PALS2: variants seen among roughly 807,000 people sequenced by gnomAD.
PALS2 encodes protein associated with LIN7 2, MAGUK p55 family member.
PALS2 carries 27 observed loss-of-function variants against 61.6 expected under a neutral mutation model. That is an observed-to-expected ratio of 0.44 (90% CI 0.32 to 0.60). PALS2 has a LOEUF of 0.60. PALS2 is among the 20% of genes least tolerant of loss of function. The pLI, the probability that PALS2 is intolerant of heterozygous loss-of-function variation, is 0.05. For synonymous variants in PALS2, 236 were observed against 218.6 expected, an observed-to-expected ratio of 1.08 and a Z score of -0.70; for missense variants, 554 against 639.4, an observed-to-expected ratio of 0.87 and a Z score of 1.44.
At chr7:24,608,078 T>C (rs1363636659) in intron 1 of PALS2, among the ~76,000 whole-genome samples, 3 of 152,182 alleles carry the variant, frequency 2.0e-5, no homozygotes, top group Non-Finnish European at 4.4e-5. Flanking sequence ...TTTATATACA[T>C]ATGTGTGAAC....
intron 8 of PALS2, chr7:24,667,092 G>GAT (rs1787058268): frequency 6.6e-6 from 1 of 152,164 alleles, no homozygotes; most frequent in Non-Finnish European, 1.5e-5. Flanking sequence ...TGCAAAGAAA[G>GAT]AGTTACTATT....
At position 24,595,392 on chromosome 7, in the gene PALS2, T is replaced by TTA. The variant is rs968540850; in HGVS notation, c.-3+21810_-3+21811dup. ...TATAGCTTTGAGAGACATCAACTAT[T>TTA]TATATATATATAAAAAATATATATA... On this transcript the variant is annotated intron_variant, in intron 1 of 11. Coordinates refer to ENST00000222644, the MANE Select transcript of PALS2 (RefSeq NM_001303037.2). 6.3e-5 allele frequency among the ~76,000 whole-genome samples: 9 copies of TTA among 142,392 alleles called. No homozygotes were observed. The South Asian group carries it at 1.5e-3, about 24-fold the overall frequency. 93.4% of individuals were successfully genotyped at this position (142,392 alleles called of 152,430 possible).
intron 7 of PALS2, 68 bp from the exon 8 acceptor site, chr7:24,665,953 A>G (rs1786995349): frequency 6.2e-6 from 9 of 1,452,628 alleles, no homozygotes; most frequent in Non-Finnish European, 8.6e-6. Context: ...CCCCTGTAAA[A>G]TACTATAGGG....
intron 1 of PALS2, among the ~76,000 whole-genome samples, chr7:24,588,614 C>T (rs779639595): frequency 1.3e-5 from 2 of 152,070 alleles, no homozygotes; most frequent in Non-Finnish European, 2.9e-5. Context: ...CAACAAGACC[C>T]TTAAGGGAAA....
intron 11 of PALS2, among the ~76,000 whole-genome samples, chr7:24,682,578 GTCTT>G (rs1182612856): frequency 6.6e-6 from 1 of 152,060 alleles, no homozygotes; most frequent in Non-Finnish European, 1.5e-5. Flanking sequence ...TTTGTTTTCT[GTCTT>G]TCTATGATCT....
chr7:24,625,868 A>T (rs921635855), intron 2 of PALS2, among the ~76,000 whole-genome samples: 7 of 152,030 alleles, frequency 4.6e-5, no homozygotes, highest in African/African-American at 1.4e-4. Flanking sequence ...AATATAGGTT[A>T]AAAAAAATCC....
chr7:24,665,635 G>A lies in PALS2; in HGVS notation c.831G>A (p.Gln277=). ...EGGSAGLIPS[Q]FLEEKRKAFV... is the part of the protein sequence containing the mutation. ...GAAGCGCTGGTCTCATTCCAAGCCAGTTCCTGGAAGAGAAGAGAAAGGCAT... is the reference window on the plus strand; with the variant it reads ...GAAGCGCTGGTCTCATTCCAAGCCAATTCCTGGAAGAGAAGAGAAAGGCAT... The change falls in exon 7 of 12, where the codon CAG becomes CAA. Residue 277 remains glutamine, a synonymous_variant. Coordinates refer to ENST00000222644, the MANE Select transcript of PALS2 (RefSeq NM_001303037.2). 6.2e-7 allele frequency: 1 copy of A among 1,613,802 alleles called. No homozygotes were observed. The highest frequency in any genetic ancestry group is 1.3e-5 in the African/African-American group (1 of 75,030).
intron 6 of PALS2, among the ~76,000 whole-genome samples, chr7:24,664,480 G>T (rs1215750491): frequency 3.9e-5 from 6 of 152,088 alleles, no homozygotes; most frequent in African/African-American, 1.4e-4. Flanking sequence ...GCAAATGAGA[G>T]TTTTACTAAA....
At chr7:24,591,367 TA>T (rs1212878939) in intron 1 of PALS2, among the ~76,000 whole-genome samples, 3 of 152,098 alleles carry the variant, frequency 2.0e-5, no homozygotes, top group Non-Finnish European at 2.9e-5. Flanking sequence ...CTCACTGAGA[TA>T]GGGGGCAGTG....
At chr7:24,686,703 A>G in intron 11 of PALS2, among the ~76,000 whole-genome samples, 1 of 152,128 alleles carries the variant, frequency 6.6e-6, no homozygotes, top group Non-Finnish European at 1.5e-5. Flanking sequence ...TCATTGTCAT[A>G]CCCACTGATT....
rs372885208 is a variant in PALS2, at chr7:24,574,047, C to T, written c.-3+454C>T. On this transcript the variant is annotated intron_variant, in intron 1 of 11. Transcript: ENST00000222644. ...GGTGGAGCCTGAATGGAGAGCCGGC[C>T]TGGGGGCGGCGTTGCTGTGACTGAC... is the stretch of plus-strand genomic sequence containing the variant. The T allele has an allele frequency of 6.6e-5, 10 of 152,416 alleles. No homozygotes were observed. The East Asian group carries it at 1.2e-3, about 18-fold the overall frequency. The allele number at this position is 152,416 out of a possible 1,614,324, so 9.4% of individuals were successfully genotyped here.
chr7:24,659,068 T>A (rs985184522), intron 5 of PALS2, among the ~76,000 whole-genome samples: 2 of 152,192 alleles, frequency 1.3e-5, no homozygotes, highest in African/African-American at 4.8e-5. Context: ...ATGTACTCAA[T>A]GTTTAGCACC....
At chr7:24,617,864 A>G (rs758148357) in intron 1 of PALS2, among the ~76,000 whole-genome samples, 3 of 152,074 alleles carry the variant, frequency 2.0e-5, no homozygotes, top group Non-Finnish European at 2.9e-5. Flanking sequence ...TGGAGACACA[A>G]TGCCTGGGTT....
At chr7:24,584,816 A>G (rs1287175426) in intron 1 of PALS2, among the ~76,000 whole-genome samples, 4 of 151,618 alleles carry the variant, frequency 2.6e-5, no homozygotes, top group Non-Finnish European at 5.9e-5. Flanking sequence ...TAAGTCTTTA[A>G]TCCATCTTGA....
At position 24,691,405 on chromosome 7, in the gene PALS2, G is replaced by GTGTGTATATA. The variant is rs1274329385; in HGVS notation, c.*3792_*3793insGTGTATATAT. 584 of 110,416 alleles carry GTGTGTATATA rather than the reference G, an allele frequency of 5.3e-3. 3 individuals are homozygous for GTGTGTATATA. Among genetic ancestry groups the GTGTGTATATA allele is most frequent in the Non-Finnish European group, 8.5e-3 (444 of 52,176 alleles). 6.8% of individuals were successfully genotyped at this position (110,416 alleles called of 1,614,324 possible). On this transcript the variant is annotated 3_prime_UTR_variant, in exon 12 of 12. Transcript: ENST00000222644. ...ATATTATGTATGTGTGTGTGTGTGT[G>GTGTGTATATA]TATATATATATATATATATATATAT...
At chr7:24,574,687 A>G (rs912473278) in intron 1 of PALS2, among the ~76,000 whole-genome samples, 4 of 152,274 alleles carry the variant, frequency 2.6e-5, no homozygotes, top group Admixed American at 6.5e-5. Context: ...CTTCAAGTAT[A>G]TTACAAGTGG....
chr7:24,656,690 T>C (rs1207022974), intron 5 of PALS2, among the ~76,000 whole-genome samples: 1 of 151,406 alleles, frequency 6.6e-6, no homozygotes, highest in East Asian at 1.9e-4. Flanking sequence ...ACCCGGCTAA[T>C]ATTTGTATTT....
At chr7:24,640,985 G>A (rs1255981859) in intron 2 of PALS2, among the ~76,000 whole-genome samples, 1 of 118,718 alleles carries the variant, frequency 8.4e-6, no homozygotes, top group Admixed American at 1.2e-4. Context: ...TCCAGCCTGG[G>A]CAACAGTGCG....
At chr7:24,617,363 T>C (rs1784330278) in intron 1 of PALS2, among the ~76,000 whole-genome samples, 3 of 152,242 alleles carry the variant, frequency 2.0e-5, no homozygotes, top group Non-Finnish European at 1.5e-5. Context: ...GAATTCTCTT[T>C]GTGATATTTT....
Sources: gnomAD v4.1 joint callset for allele counts (sites outside exome capture counted in the v4.1 genomes callset) on GRCh38, gnomAD v4.1.1 for gene constraint, MANE v1.5 for transcripts, NCBI Gene and HGNC (gene_info 2026-07-23, HGNC 2026-07-21) for gene names.